Variants in ITPA observed in about 807,000 individuals in gnomAD.
The protein encoded by ITPA is inosine triphosphatase, also known as inosine triphosphate pyrophosphatase.
In ITPA, 29 loss-of-function variants were observed where a neutral mutation model predicts 29.6. That is an observed-to-expected ratio of 0.98 (90% confidence interval 0.73 to 1.34). ITPA has a LOEUF of 1.34. Ranked by LOEUF, ITPA falls within the 40% of genes most tolerant of loss-of-function variation. ITPA has a pLI of 0.00. For missense variants in ITPA, 241 were observed against 251.5 expected (o/e 0.96, Z 0.28); for synonymous variants, 103 against 99.3 (o/e 1.04, Z -0.22).
chr20:3,206,166 A>G (rs1361884912), upstream of ITPA, among the ~76,000 whole-genome samples: 3 of 151,970 alleles, frequency 2.0e-5, no homozygotes, highest in African/African-American at 7.2e-5. Context: ...AGGTGGGTGG[A>G]TCACCTGAAC....
upstream of ITPA, among the ~76,000 whole-genome samples, chr20:3,208,471 A>G (rs6037500): frequency 0.21 from 31,411 of 152,080 alleles, 3,390 homozygotes; most frequent in Non-Finnish European, 0.24. Flanking sequence ...CACCTCCCGA[A>G]TTCAGGCGAT....
At chr20:3,210,042 G>A (rs2067137497) in intron 1 of ITPA, among the ~76,000 whole-genome samples, 1 of 152,186 alleles carries the variant, frequency 6.6e-6, no homozygotes, top group Non-Finnish European at 1.5e-5. Flanking sequence ...TCCACACTGA[G>A]CAGTCCGTGC....
chr20:3,210,077 A>G (rs568403917), intron 1 of ITPA, among the ~76,000 whole-genome samples: 2 of 152,194 alleles, frequency 1.3e-5, no homozygotes, highest in Admixed American at 1.3e-4. Flanking sequence ...GAAATGTTCT[A>G]ACCTCTTTTC....
chr20:3,221,591 G>A (rs891536638), intron 6 of ITPA, among the ~76,000 whole-genome samples: 18 of 152,292 alleles, frequency 1.2e-4, no homozygotes, highest in African/African-American at 3.6e-4. Flanking sequence ...GCGAGGGCGC[G>A]TGGCCCCGGA....
chr20:3,213,602 C>T (rs990777489), intron 3 of ITPA, among the ~76,000 whole-genome samples: 1 of 152,142 alleles, frequency 6.6e-6, no homozygotes, highest in African/African-American at 2.4e-5. Flanking sequence ...TACACTCCCA[C>T]GTACACACAG....
At position 3,210,494 on chromosome 20, in the gene ITPA, A is replaced by T. The variant is rs558879457; in HGVS notation, c.66+877A>T. On this transcript the variant is annotated intron_variant, in intron 1 of 7. Coordinates refer to ENST00000380113, the MANE Select transcript of ITPA (RefSeq NM_033453.4). ...TGGGGGTCATGTGTGGGGGATCAGG[A>T]TGACACCCACTGGATATGTCTGAGG... 3.9e-5 allele frequency among the ~76,000 whole-genome samples: 6 copies of T among 152,270 alleles called. No individual in the cohort carries two copies. The East Asian group carries it at 1.2e-3, about 29-fold the overall frequency.
At chr20:3,213,112 G>T (rs1037433512) in intron 1 of ITPA, 57 bp from the exon 2 acceptor site, 4 of 1,517,722 alleles carry the variant, frequency 2.6e-6, no homozygotes, top group Non-Finnish European at 3.7e-6. Flanking sequence ...GACAGCTCAC[G>T]TGCTCACATG....
chr20:3,218,782 C>A, intron 6 of ITPA, 150 bp downstream of exon 6: 1 of 698,012 alleles, frequency 1.4e-6, no homozygotes, highest in Non-Finnish European at 2.6e-6. Flanking sequence ...CCCTGCGCAG[C>A]ATAGGTAGAA....
chr20:3,213,474 T>C (rs2067220540), intron 3 of ITPA, 91 bp downstream of exon 3: 1 of 1,498,650 alleles, frequency 6.7e-7, no homozygotes, highest in African/African-American at 1.4e-5. Flanking sequence ...GTAGACACAG[T>C]TTGTTGAGCT....
intron 5 of ITPA, among the ~76,000 whole-genome samples, chr20:3,215,905 C>T (rs1476458593): frequency 2.6e-5 from 4 of 152,054 alleles, no homozygotes; most frequent in Non-Finnish European, 4.4e-5. Context: ...AGGCCAGTCT[C>T]GAACACCTGA....
At chr20:3,210,622 C>T (rs1292644195) in intron 1 of ITPA, among the ~76,000 whole-genome samples, 1 of 151,964 alleles carries the variant, frequency 6.6e-6, no homozygotes, top group African/African-American at 2.4e-5. Context: ...TTCTCAGGAA[C>T]CAGAGCCTTT....
intron 1 of ITPA, among the ~76,000 whole-genome samples, chr20:3,210,964 T>A (rs1297584240): frequency 6.6e-6 from 1 of 150,592 alleles, no homozygotes; most frequent in Non-Finnish European, 1.5e-5. Context: ...GACAGGAGAA[T>A]CGCTTGAACC....
chr20:3,208,434 G>C (rs1319939988), upstream of ITPA, among the ~76,000 whole-genome samples: 1 of 152,120 alleles, frequency 6.6e-6, no homozygotes, highest in Non-Finnish European at 1.5e-5. Flanking sequence ...GGAGTCCGAT[G>C]GCACGATCTC....
chr20:3,224,044 C>T (rs1429197069), downstream of ITPA, among the ~76,000 whole-genome samples: 2 of 152,188 alleles, frequency 1.3e-5, no homozygotes, highest in Non-Finnish European at 2.9e-5. Flanking sequence ...GCGGGCTGAC[C>T]TCCACCCTGG....
upstream of ITPA, among the ~76,000 whole-genome samples, chr20:3,204,115 G>C (rs1425624244): frequency 6.6e-6 from 1 of 152,144 alleles, no homozygotes; most frequent in East Asian, 1.9e-4. Flanking sequence ...CCAGCTCGTG[G>C]GGGACAGGCA....
upstream of ITPA, chr20:3,209,301 A>G (rs1373959296): frequency 1.8e-6 from 1 of 570,804 alleles, no homozygotes; most frequent in Admixed American, 2.9e-5. This position sits in a 1 kb window ranked among gnomAD's most constrained non-coding sequence, Gnocchi z 4.6. Context: ...GTTCTTGAAG[A>G]TAGCGTCCCT....
intron 1 of ITPA, among the ~76,000 whole-genome samples, chr20:3,212,182 T>A (rs1224290743): frequency 1.3e-5 from 2 of 151,702 alleles, no homozygotes; most frequent in African/African-American, 2.4e-5. Flanking sequence ...CAAAAAAAAA[T>A]AAAATACATA....
Position 3,218,606 on chromosome 20 carries a change from G to T in ITPA, c.385G>T (p.Val129Leu), listed in dbSNP as rs200558616. 1 of 1,613,486 alleles carries T rather than the reference G, an allele frequency of 6.2e-7. No homozygotes were observed. The highest frequency in any genetic ancestry group is 8.5e-7 in the Non-Finnish European group (1 of 1,179,710). The change falls in exon 6 of 8, where the codon GTG becomes TTG. Residue 129 changes from valine (V) to leucine (L), a missense_variant. Physicochemically the swap from Val to Leu is conservative, Grantham distance 32. Coordinates refer to ENST00000380113, the MANE Select transcript of ITPA (RefSeq NM_033453.4). ...CAGCACCGGGGACCCAAGCCAGCCC[G>T]TGCGCCTGTTCAGGGGCCGGACCTC... ...ALSTGDPSQP[V>L]RLFRGRTSGR...
chr20:3,218,684 C>T (rs572173230), intron 6 of ITPA, 52 bp downstream of exon 6: 633 of 1,334,746 alleles, frequency 4.7e-4, no homozygotes, highest in African/African-American at 9.1e-4. Flanking sequence ...GGGGGTGCCG[C>T]GACCCGAGCC....
Sources: allele counts gnomAD v4.1 joint callset (sites outside exome capture counted in the v4.1 genomes callset), GRCh38; gene constraint gnomAD v4.1.1; non-coding constraint Gnocchi (gnomAD v3.1); transcripts MANE v1.5; gene names NCBI Gene and HGNC (gene_info 2026-07-23, HGNC 2026-07-21).